Variants in AKT3 observed in about 807,000 individuals in gnomAD.
AKT3 encodes RAC-gamma serine/threonine-protein kinase.
Under a neutral mutation model 65.3 loss-of-function variants are expected in AKT3, and 15 were observed. The ratio of observed to expected loss-of-function variants is 0.23; its 90% confidence interval spans 0.15 to 0.35. The LOEUF is 0.35. AKT3 is among the 10% of genes least tolerant of loss of function. The pLI is 1.00. For missense variants in AKT3, 243 were observed against 576.5 expected (o/e 0.42, Z 5.92); for synonymous variants, 206 against 183.8 (o/e 1.12, Z -0.98).
At chr1:243,673,402 TTA>T (rs1683284695) in intron 3 of AKT3, among the ~76,000 whole-genome samples, 4 of 150,856 alleles carry the variant, frequency 2.7e-5, no homozygotes, top group Admixed American at 1.3e-4. Context: ...ATTGATGATA[TTA>T]TATGTTTTGG....
At chr1:243,576,044 G>T (rs540411568) in intron 8 of AKT3, among the ~76,000 whole-genome samples, 5 of 151,998 alleles carry the variant, frequency 3.3e-5, no homozygotes, top group South Asian at 2.1e-4. Flanking sequence ...AAGTATGAAA[G>T]AATTTTAGCT....
chr1:243,826,451 G>A (rs1385559399), intron 2 of AKT3, among the ~76,000 whole-genome samples: 5 of 152,206 alleles, frequency 3.3e-5, no homozygotes, highest in East Asian at 1.9e-4. Flanking sequence ...CTAACAGCTA[G>A]GAGTGGCACA....
chr1:243,659,006 G>A (rs893248194), intron 4 of AKT3, among the ~76,000 whole-genome samples: 4 of 151,918 alleles, frequency 2.6e-5, no homozygotes, highest in Admixed American at 2.0e-4. Context: ...CTACAGCCTG[G>A]CTGACAGAGC....
chr1:243,601,551 T>C (rs1230922977), intron 8 of AKT3, among the ~76,000 whole-genome samples: 2 of 152,134 alleles, frequency 1.3e-5, no homozygotes, highest in Non-Finnish European at 2.9e-5. Flanking sequence ...GACACAGAAA[T>C]TGCATTTCTA....
Position 243,849,340 on chromosome 1 carries a change from A to G in AKT3, c.-113+700T>C, listed in dbSNP as rs943802737. On this transcript the variant is annotated intron_variant, in intron 1 of 13. Coordinates refer to ENST00000673466, the MANE Select transcript of AKT3 (RefSeq NM_005465.7). ...CTCCCAAGCGGATCAAAACCCCACT[A>G]CTATTAAAAACACAGACAAGCACGT... Among the ~76,000 whole-genome samples the G allele has an allele frequency of 1.5e-4, 22 of 151,382 alleles. 1 individual carries two copies. The highest frequency in any genetic ancestry group is 2.8e-4 in the Non-Finnish European group (19 of 67,926).
intron 2 of AKT3, among the ~76,000 whole-genome samples, chr1:243,745,207 G>A (rs1337548458): frequency 6.6e-6 from 1 of 151,914 alleles, no homozygotes; most frequent in Non-Finnish European, 1.5e-5. Context: ...GCGTGGTGGT[G>A]TGCACCTGTA....
At position 243,552,885 on chromosome 1, in the gene AKT3, A is replaced by T; in HGVS notation, c.1007T>A (p.Met336Lys). 6.2e-7 allele frequency: 1 copy of T among 1,614,142 alleles called. No homozygotes were observed. The change falls in exon 11 of 14, where the codon ATG becomes AAG. Residue 336 changes from methionine to lysine, a missense_variant. Physicochemically the swap from Met to Lys is moderately conservative, Grantham distance 95 (BLOSUM62 -1). This residue lies in a region of AKT3 where 20 missense variants were observed against 68.4 expected (regional missense o/e 0.29). Coordinates refer to ENST00000673466, the MANE Select transcript of AKT3 (RefSeq NM_005465.7). Reference sequence around the variant, plus strand: ...TAACCTCCCACACATCATTTCATACATGACAACCCCTAGGCCCCACCAGTC... The same window carrying T: ...TAACCTCCCACACATCATTTCATACTTGACAACCCCTAGGCCCCACCAGTC... ...AVDWWGLGVV[M>K]YEMMCGRLPF... is the part of the protein sequence containing the mutation.
chr1:243,656,583 G>A (rs985010883), intron 4 of AKT3, among the ~76,000 whole-genome samples: 2 of 152,224 alleles, frequency 1.3e-5, no homozygotes, highest in Non-Finnish European at 1.5e-5. Flanking sequence ...TTACCAGGAT[G>A]AGCAAGAGAC....
chr1:243,557,038 A>G (rs116265639), intron 10 of AKT3, among the ~76,000 whole-genome samples: 2,399 of 152,240 alleles, frequency 0.016, 32 homozygotes, highest in Middle Eastern at 0.034. Context: ...CACCTCTCCT[A>G]GCACACACAA....
chr1:243,568,155 TTTGTTAGCCAGACAATATGTAATGC>T (rs1359332066), intron 9 of AKT3, among the ~76,000 whole-genome samples: 1 of 152,202 alleles, frequency 6.6e-6, no homozygotes, highest in East Asian at 1.9e-4. Flanking sequence ...CCTTCTTCCC[TTTGTTAGCCAGACAATATGTAATGC>T]ATATTGTCAC....
Position 243,664,846 on chromosome 1 carries a change from G to A in AKT3, c.210C>T (p.Asn70=). The A allele has an allele frequency of 6.3e-7, 1 of 1,590,276 alleles. No individual in the cohort carries two copies. Among genetic ancestry groups the A allele is most frequent in the Non-Finnish European group, 8.5e-7 (1 of 1,169,840 alleles). ...ACTGGAGACATCTGATTATAAATGT[G>A]TTTGGCTTTGGTCGTTCTGTTTTCA... ...QLMKTERPKP[N]TFIIRCLQWT... Residue 70 remains asparagine (N), a synonymous_variant, in exon 4 of 14, where the codon AAC becomes AAT. Transcript: ENST00000673466.
intron 12 of AKT3, among the ~76,000 whole-genome samples, chr1:243,516,022 T>TGCC (rs1180525271): frequency 1.3e-5 from 2 of 152,118 alleles, no homozygotes; most frequent in Non-Finnish European, 2.9e-5. Flanking sequence ...AGTTAATACC[T>TGCC]GCCTCACAGA....
At chr1:243,623,364 C>CAA (rs1678910104) in intron 6 of AKT3, among the ~76,000 whole-genome samples, 1 of 152,130 alleles carries the variant, frequency 6.6e-6, no homozygotes. Flanking sequence ...ACTTATGTGT[C>CAA]AACTTGACTG....
chr1:243,772,829 C>T (rs1237800404), intron 2 of AKT3, among the ~76,000 whole-genome samples: 1 of 152,010 alleles, frequency 6.6e-6, no homozygotes, highest in East Asian at 1.9e-4. Context: ...AAATGTGGCA[C>T]ATATACACCA....
At chr1:243,634,440 T>G (rs1679828622) in intron 6 of AKT3, among the ~76,000 whole-genome samples, 2 of 151,996 alleles carry the variant, frequency 1.3e-5, no homozygotes, top group African/African-American at 4.8e-5. Flanking sequence ...CAGCTACTAT[T>G]AAAAGTAAAT....
At chr1:243,780,088 G>T (rs1690807357) in intron 2 of AKT3, among the ~76,000 whole-genome samples, 1 of 151,964 alleles carries the variant, frequency 6.6e-6, no homozygotes, top group African/African-American at 2.4e-5. Context: ...TGCCAAAATT[G>T]GTGGGCCAAA....
At chr1:243,661,766 G>C (rs1377280457) in intron 4 of AKT3, among the ~76,000 whole-genome samples, 1 of 146,586 alleles carries the variant, frequency 6.8e-6, no homozygotes, top group African/African-American at 2.5e-5. Context: ...GAGTGAACAG[G>C]CAACCTACAA....
chr1:243,705,138 G>A (rs1465866147), intron 2 of AKT3, among the ~76,000 whole-genome samples: 1 of 152,200 alleles, frequency 6.6e-6, no homozygotes, highest in East Asian at 1.9e-4. Flanking sequence ...CATAATGCAT[G>A]AACTTGTCAT....
At chr1:243,755,080 T>C (rs73128276) in intron 2 of AKT3, among the ~76,000 whole-genome samples, 4,872 of 152,158 alleles carry the variant, frequency 0.032, 153 homozygotes, top group African/African-American at 0.072. Flanking sequence ...TATTATTGGT[T>C]TTTTTGGAGA....
Sources: allele counts gnomAD v4.1 joint callset (sites outside exome capture counted in the v4.1 genomes callset), GRCh38; gene constraint gnomAD v4.1.1; regional missense constraint gnomAD v4.1.1; transcripts MANE v1.5; gene names NCBI Gene and HGNC (gene_info 2026-07-23, HGNC 2026-07-21).